Variants in NMNAT2 observed in about 807,000 individuals in gnomAD.
The protein encoded by NMNAT2 is nicotinamide nucleotide adenylyltransferase 2.
In NMNAT2, 11 loss-of-function variants were observed where a neutral mutation model predicts 41.6. That is an observed-to-expected ratio of 0.26 (90% CI 0.17 to 0.44). NMNAT2 has a LOEUF of 0.44. NMNAT2 is among the 20% of genes least tolerant of loss of function. The pLI is 1.00. For missense variants in NMNAT2, 288 were observed against 407.7 expected (o/e 0.71, Z 2.53); for synonymous variants, 148 against 151.2 (o/e 0.98, Z 0.16).
At chr1:183,338,792 G>C (rs1435859037) in intron 1 of NMNAT2, among the ~76,000 whole-genome samples, 1 of 152,158 alleles carries the variant, frequency 6.6e-6, no homozygotes, top group Non-Finnish European at 1.5e-5. Context: ...GGAGGAGCAG[G>C]ATCTGACCAC....
rs147103212 is a variant in NMNAT2 at position 183,372,231 on chromosome 1, C to T, written c.85+45952G>A. Among the ~76,000 whole-genome samples, 559 of 152,256 alleles carry T rather than the reference C, an allele frequency of 3.7e-3. 3 individuals carry two copies. Among genetic ancestry groups the T allele is most frequent in the Admixed American group, 6.2e-3 (95 of 15,292 alleles). ...GCGTGCCTCTCAAGGAACTGTACTGCCCGGCATTGGCTAGTGAAAAAAATT... is the reference window on the plus strand; with the variant it reads ...GCGTGCCTCTCAAGGAACTGTACTGTCCGGCATTGGCTAGTGAAAAAAATT... On this transcript the variant is annotated intron_variant, in intron 1 of 10. Transcript: ENST00000287713.
chr1:183,324,278 T>G (rs1412882126), intron 1 of NMNAT2, among the ~76,000 whole-genome samples: 2 of 152,226 alleles, frequency 1.3e-5, no homozygotes, highest in African/African-American at 4.8e-5. Context: ...GGAAGAATTC[T>G]GAAACTGCTG....
At chr1:183,299,154 T>C (rs1661781066) in intron 1 of NMNAT2, among the ~76,000 whole-genome samples, 1 of 151,970 alleles carries the variant, frequency 6.6e-6, no homozygotes, top group African/African-American at 2.4e-5. Context: ...GGTGGATCAC[T>C]TGAGGTCAGG....
intron 1 of NMNAT2, among the ~76,000 whole-genome samples, chr1:183,294,080 G>A (rs533769738): frequency 3.9e-5 from 6 of 152,238 alleles, no homozygotes; most frequent in Non-Finnish European, 7.4e-5. Flanking sequence ...TAAAACAAGC[G>A]CCTCATTAGC....
chr1:183,278,186 T>A (rs1428505515), intron 8 of NMNAT2, among the ~76,000 whole-genome samples: 2 of 152,176 alleles, frequency 1.3e-5, no homozygotes, highest in Non-Finnish European at 2.9e-5. Context: ...ATTTACCACC[T>A]CTTCAAAAGG....
chr1:183,417,235 G>A (rs1649280259), intron 1 of NMNAT2, among the ~76,000 whole-genome samples: 1 of 151,730 alleles, frequency 6.6e-6, no homozygotes, highest in African/African-American at 2.4e-5. Flanking sequence ...TTCCCCTACC[G>A]CTGCTGGACC....
chr1:183,308,559 G>A (rs1662045395), intron 1 of NMNAT2, among the ~76,000 whole-genome samples: 1 of 152,172 alleles, frequency 6.6e-6, no homozygotes, highest in Non-Finnish European at 1.5e-5. Context: ...ACTAAAAAAG[G>A]AAGCTGTTAA....
At chr1:183,400,414 G>A (rs1431581927) in intron 1 of NMNAT2, among the ~76,000 whole-genome samples, 2 of 152,072 alleles carry the variant, frequency 1.3e-5, no homozygotes, top group African/African-American at 2.4e-5. Context: ...AAATAAAAGA[G>A]GACACAAACA....
rs544374597 is a variant in NMNAT2, at chr1:183,367,229, C to T, written c.85+50954G>A. Among the ~76,000 whole-genome samples, 10 of 152,176 alleles carry T rather than the reference C, an allele frequency of 6.6e-5. 3 individuals are homozygous for T. The highest frequency in any genetic ancestry group is 2.4e-4 in the African/African-American group (10 of 41,522). On this transcript the variant is annotated intron_variant, in intron 1 of 10. Coordinates refer to ENST00000287713, the MANE Select transcript of NMNAT2 (RefSeq NM_015039.4). ...ACCCCAGCACTTTGGGAGGCTGAGG[C>T]GGGCAGATCACCTGAGGTCGGAAGT...
At chr1:183,393,168 A>G (rs1368321515) in intron 1 of NMNAT2, among the ~76,000 whole-genome samples, 1 of 152,064 alleles carries the variant, frequency 6.6e-6, no homozygotes, top group East Asian at 1.9e-4. Context: ...GACTAAATAC[A>G]CTTTCACTTT....
At chr1:183,346,961 T>G (rs1480006327) in intron 1 of NMNAT2, among the ~76,000 whole-genome samples, 1 of 152,080 alleles carries the variant, frequency 6.6e-6, no homozygotes, top group Non-Finnish European at 1.5e-5. Flanking sequence ...CCCACCCTAC[T>G]CTTCAAGACC....
At chr1:183,407,609 G>A (rs1648995330) in intron 1 of NMNAT2, among the ~76,000 whole-genome samples, 1 of 152,144 alleles carries the variant, frequency 6.6e-6, no homozygotes, top group Admixed American at 6.5e-5. Context: ...ACCTTGGCTA[G>A]AACTTATATC....
intron 8 of NMNAT2, among the ~76,000 whole-genome samples, chr1:183,262,377 T>TGGG (rs1660683096): frequency 6.6e-6 from 1 of 152,028 alleles, no homozygotes; most frequent in African/African-American, 2.4e-5. Flanking sequence ...CTAATGTATA[T>TGGG]CTGTAGTTTT....
intron 1 of NMNAT2, among the ~76,000 whole-genome samples, chr1:183,409,978 T>C (rs1557903141): frequency 6.6e-6 from 1 of 152,166 alleles, no homozygotes; most frequent in Non-Finnish European, 1.5e-5. Context: ...TCAACAGATA[T>C]ACTTTATACA....
At chr1:183,273,615 C>G (rs530118329) in intron 8 of NMNAT2, among the ~76,000 whole-genome samples, 1 of 152,176 alleles carries the variant, frequency 6.6e-6, no homozygotes, top group African/African-American at 2.4e-5. Flanking sequence ...CTTTTCCAGA[C>G]CTTGAGATCC....
At chr1:183,275,232 G>T (rs765359604) in intron 8 of NMNAT2, among the ~76,000 whole-genome samples, 1 of 152,202 alleles carries the variant, frequency 6.6e-6, no homozygotes, top group Non-Finnish European at 1.5e-5. Flanking sequence ...TAGGGATTTG[G>T]AGTGGAATGT....
chr1:183,310,871 T>C (rs981312611), intron 1 of NMNAT2, among the ~76,000 whole-genome samples: 6 of 149,246 alleles, frequency 4.0e-5, no homozygotes, highest in Non-Finnish European at 7.4e-5. Context: ...AGCAGGGGCA[T>C]TGGAATTTCA....
chr1:183,389,810 A>G (rs1648401242), intron 1 of NMNAT2, among the ~76,000 whole-genome samples: 1 of 85,412 alleles, frequency 1.2e-5, no homozygotes. Flanking sequence ...GAAAGAAAGA[A>G]AGAAAGAAAG....
intron 1 of NMNAT2, among the ~76,000 whole-genome samples, chr1:183,333,454 T>A (rs1662623788): frequency 6.6e-6 from 1 of 152,126 alleles, no homozygotes; most frequent in Non-Finnish European, 1.5e-5. Context: ...AGGATCCTTA[T>A]AAGAGGGAGG....
Sources: gnomAD v4.1 joint callset for allele counts (sites outside exome capture counted in the v4.1 genomes callset) on GRCh38, gnomAD v4.1.1 for gene constraint, MANE v1.5 for transcripts, NCBI Gene and HGNC (gene_info 2026-07-23, HGNC 2026-07-21) for gene names.